RFX2: variants seen among roughly 807,000 people sequenced by gnomAD.
RFX2 encodes DNA-binding protein RFX2.
In RFX2, 20 loss-of-function variants were observed where a neutral mutation model predicts 87.8. The observed-to-expected ratio is 0.23, with a 90% CI of 0.16 to 0.33. The LOEUF (loss-of-function observed/expected upper bound fraction) is 0.33, where lower values mean the gene tolerates loss of function less well. RFX2 is among the 10% of genes least tolerant of loss of function. RFX2 has a pLI of 1.00. For synonymous variants in RFX2, 397 were observed against 431.3 expected (o/e 0.92, Z 0.98); for missense variants, 767 against 1,012.3 (o/e 0.76, Z 3.29).
chr19:6,048,520 C>G (rs2087226766), intron 1 of RFX2, among the ~76,000 whole-genome samples: 1 of 152,202 alleles, frequency 6.6e-6, no homozygotes, highest in Non-Finnish European at 1.5e-5. Flanking sequence ...ACACCAGTCC[C>G]CCGTCCTGGC....
chr19:6,027,309 C>T lies in RFX2; in HGVS notation c.523-1072G>A, dbSNP rs1217738496. On this transcript the variant is annotated intron_variant, in intron 5 of 17. Transcript: ENST00000303657. This position sits in a 1 kb window ranked among gnomAD's most constrained non-coding sequence, Gnocchi z 5.0. The stretch of plus-strand genomic sequence containing the variant: ...CTTCTCTCATTAGCTACCCTTGCTT[C>T]AAGCCAAGGAGGACGTCAGGGTCAC... 2 of 152,200 alleles carry T rather than the reference C, an allele frequency of 1.3e-5. No homozygotes were observed. Among genetic ancestry groups the T allele is most frequent in the African/African-American group, 4.8e-5 (2 of 41,422 alleles). 9.4% of individuals were successfully genotyped at this position (152,200 alleles called of 1,614,324 possible).
intron 13 of RFX2, among the ~76,000 whole-genome samples, chr19:6,003,863 G>T (rs901854950): frequency 1.3e-5 from 2 of 150,850 alleles, no homozygotes; most frequent in Non-Finnish European, 2.9e-5. Context: ...GTCGGCCAAG[G>T]TTCTACATTT....
intron 1 of RFX2, among the ~76,000 whole-genome samples, chr19:6,088,817 T>C (rs550905): frequency 0.25 from 37,481 of 152,014 alleles, 8,736 homozygotes; most frequent in African/African-American, 0.62. Context: ...TGTGGAATAG[T>C]AAATATTTTA....
intron 3 of RFX2, among the ~76,000 whole-genome samples, chr19:6,043,659 C>A (rs2087144425): frequency 6.6e-6 from 1 of 152,240 alleles, no homozygotes; most frequent in Non-Finnish European, 1.5e-5. Flanking sequence ...ACTGCCTGGA[C>A]CACAAACCCC....
In RFX2 at chr19:6,064,247, G is replaced by A. The variant is rs75469036; in HGVS notation, c.-8-16743C>T. Among the ~76,000 whole-genome samples the A allele has an allele frequency of 4.5e-3, 693 of 152,316 alleles. 8 individuals are homozygous for A. In the East Asian group the frequency reaches 0.071, roughly 16 times the overall value. ...TGGCCTCCAGCTCCCGTCTTCAGCTGAGCACAGGGGCCTGTCCCAGGATTC... is the reference window on the plus strand; with the variant it reads ...TGGCCTCCAGCTCCCGTCTTCAGCTAAGCACAGGGGCCTGTCCCAGGATTC... On this transcript the variant is annotated intron_variant, in intron 1 of 17. Transcript: ENST00000303657. The surrounding 1 kb of genome is among the most constrained non-coding windows in gnomAD (Gnocchi z 4.8).
chr19:5,998,475 G>A lies in RFX2; in HGVS notation c.1860-1262C>T, dbSNP rs1304720622. On this transcript the variant is annotated intron_variant, in intron 15 of 17. Coordinates refer to ENST00000303657, the MANE Select transcript of RFX2 (RefSeq NM_000635.4). This position sits in a 1 kb window ranked among gnomAD's most constrained non-coding sequence, Gnocchi z 4.2. Reference sequence around the variant, plus strand: ...TCATAAACTCTGTTACGTCTAATCGGTATCGAGCGATAAAAAGAAGACACA... The same window carrying A: ...TCATAAACTCTGTTACGTCTAATCGATATCGAGCGATAAAAAGAAGACACA... Among the ~76,000 whole-genome samples, 1 of 152,218 alleles carries A rather than the reference G, an allele frequency of 6.6e-6. No individual in the cohort carries two copies. Among genetic ancestry groups the A allele is most frequent in the African/African-American group, 2.4e-5 (1 of 41,464 alleles).
At position 6,045,694 on chromosome 19, in the gene RFX2, G is replaced by T. The variant is rs530429661; in HGVS notation, c.91-1412C>A. Among the ~76,000 whole-genome samples, 1 of 151,736 alleles carries T rather than the reference G, an allele frequency of 6.6e-6. No homozygotes were observed. The highest frequency in any genetic ancestry group is 1.5e-5 in the Non-Finnish European group (1 of 68,002). Reference sequence around the variant, plus strand: ...TTTGTTTTTTTGTGTTTTTTGGGACGGATTTTTGCTCTTGTCGCCCAGGCT... The same window carrying T: ...TTTGTTTTTTTGTGTTTTTTGGGACTGATTTTTGCTCTTGTCGCCCAGGCT... On this transcript the variant is annotated intron_variant, in intron 2 of 17. Transcript: ENST00000303657. The surrounding 1 kb of genome is among the most constrained non-coding windows in gnomAD (Gnocchi z 5.2).
chr19:6,010,104 G>T lies in RFX2; in HGVS notation c.1015+32C>A. On this transcript the variant is annotated intron_variant, in intron 9 of 17. Coordinates refer to ENST00000303657, the MANE Select transcript of RFX2 (RefSeq NM_000635.4). This position sits in a 1 kb window ranked among gnomAD's most constrained non-coding sequence, Gnocchi z 5.0. Reference sequence around the variant, plus strand: ...CCAGGAGTGTGGCGAGCAGATGGGAGCCCCGCCCCCGGGCCTGACCGGGCC... The same window carrying T: ...CCAGGAGTGTGGCGAGCAGATGGGATCCCCGCCCCCGGGCCTGACCGGGCC... The T allele has an allele frequency of 7.1e-7, 1 of 1,401,836 alleles. No individual in the cohort carries two copies. Among genetic ancestry groups the T allele is most frequent in the Non-Finnish European group, 9.8e-7 (1 of 1,017,246 alleles). The allele number at this position is 1,401,836 out of a possible 1,614,324, so 86.8% of individuals were successfully genotyped here. A position where few individuals can be genotyped will look rare whatever the true frequency, so the allele number is the denominator to read the frequency against.
intron 1 of RFX2, among the ~76,000 whole-genome samples, chr19:6,069,423 T>G (rs918326403): frequency 6.6e-6 from 1 of 152,074 alleles, no homozygotes; most frequent in African/African-American, 2.4e-5. Context: ...CATCAGTGTA[T>G]AGAGAACATG....
rs1599860682 is a variant in RFX2 at position 6,022,599 on chromosome 19, C to G, written c.597+3564G>C. On this transcript the variant is annotated intron_variant, in intron 6 of 17. Transcript: ENST00000303657. This position sits in a 1 kb window ranked among gnomAD's most constrained non-coding sequence, Gnocchi z 6.2. ...AAGTCGGTGGCCTGCCACACCCGGT[C>G]GGGTGAAGACATGTTTCATCCCCAG... Among the ~76,000 whole-genome samples, 1 of 152,316 alleles carries G rather than the reference C, an allele frequency of 6.6e-6. No homozygotes were observed. Among genetic ancestry groups the G allele is most frequent in the East Asian group, 1.9e-4 (1 of 5,180 alleles).
Position 6,011,058 on chromosome 19 carries a change from G to A in RFX2, c.900-807C>T, listed in dbSNP as rs1423901354. Among the ~76,000 whole-genome samples the A allele has an allele frequency of 3.3e-5, 5 of 152,080 alleles. No individual in the cohort carries two copies. Among genetic ancestry groups the A allele is most frequent in the Non-Finnish European group, 5.9e-5 (4 of 68,028 alleles). On this transcript the variant is annotated intron_variant, in intron 8 of 17. Transcript: ENST00000303657. This position sits in a 1 kb window ranked among gnomAD's most constrained non-coding sequence, Gnocchi z 4.8. ...TTGAACCTGGGAGGCAGAGGTTGCAGTGAGCCGAGTTCACGCCATTGCACT... is the reference window on the plus strand; with the variant it reads ...TTGAACCTGGGAGGCAGAGGTTGCAATGAGCCGAGTTCACGCCATTGCACT...
chr19:6,000,145 T>C (rs1277106635), intron 15 of RFX2, among the ~76,000 whole-genome samples: 2 of 152,084 alleles, frequency 1.3e-5, no homozygotes, highest in African/African-American at 4.8e-5. Flanking sequence ...CCACCACGCC[T>C]GACTAATTTT....
intron 2 of RFX2, among the ~76,000 whole-genome samples, chr19:6,046,410 G>T (rs1161225789): frequency 2.0e-5 from 3 of 151,574 alleles, no homozygotes; most frequent in Non-Finnish European, 4.4e-5. Context: ...GTGAAACCTC[G>T]TCTCTACTAA....
At position 6,056,984 on chromosome 19, in the gene RFX2, T is replaced by C. The variant is rs2144798479; in HGVS notation, c.-8-9480A>G. Among the ~76,000 whole-genome samples the C allele has an allele frequency of 6.6e-6, 1 of 152,166 alleles. No individual in the cohort carries two copies. The highest frequency in any genetic ancestry group is 2.1e-4 in the South Asian group (1 of 4,820). ...CCTCAGAAATATGCCCGGAGTGCTGTTTATAAGCTGAGCACGTTTCATTTA... is the reference window on the plus strand; with the variant it reads ...CCTCAGAAATATGCCCGGAGTGCTGCTTATAAGCTGAGCACGTTTCATTTA... On this transcript the variant is annotated intron_variant, in intron 1 of 17. Coordinates refer to ENST00000303657, the MANE Select transcript of RFX2 (RefSeq NM_000635.4). This position sits in a 1 kb window ranked among gnomAD's most constrained non-coding sequence, Gnocchi z 4.6.
intron 1 of RFX2, among the ~76,000 whole-genome samples, chr19:6,084,639 C>CTTTTTTTTTTT (rs1189568545): frequency 4.1e-5 from 5 of 122,942 alleles, no homozygotes; most frequent in African/African-American, 1.9e-4. Context: ...TTCTTTCTTT[C>CTTTTTTTTTTT]TTTCTTTTTT....
chr19:6,092,625 G>C (rs1291092554), intron 1 of RFX2, among the ~76,000 whole-genome samples: 1 of 152,112 alleles, frequency 6.6e-6, no homozygotes, highest in Non-Finnish European at 1.5e-5. Flanking sequence ...ACGCGAGCAT[G>C]GGCGCAGCTC....
chr19:6,007,661 T>C lies in RFX2; in HGVS notation c.1247+29A>G. 7.1e-7 allele frequency: 1 copy of C among 1,399,430 alleles called. No homozygotes were observed. Among genetic ancestry groups the C allele is most frequent in the South Asian group, 1.2e-5 (1 of 81,038 alleles). 86.7% of individuals were successfully genotyped at this position (1,399,430 alleles called of 1,614,324 possible). ...AGCAGGGGGTTAAGTCTGGGGTGGC[T>C]GTGAACCCAGCCAGGGTGTGGCAGT... On this transcript the variant is annotated intron_variant, in intron 11 of 17. Transcript: ENST00000303657. This position sits in a 1 kb window ranked among gnomAD's most constrained non-coding sequence, Gnocchi z 8.2.
At position 6,047,288 on chromosome 19, in the gene RFX2, T is replaced by C; in HGVS notation, c.90+119A>G. ...ATTTCAACAGCAGCAGCACTGGGAC[T>C]GAGAAGTCCATTCAGAAAAATACAG... On this transcript the variant is annotated intron_variant, in intron 2 of 17. Coordinates refer to ENST00000303657, the MANE Select transcript of RFX2 (RefSeq NM_000635.4). This position sits in a 1 kb window ranked among gnomAD's most constrained non-coding sequence, Gnocchi z 4.2. 2 of 773,002 alleles carry C rather than the reference T, an allele frequency of 2.6e-6. No homozygotes were observed. Among genetic ancestry groups the C allele is most frequent in the Non-Finnish European group, 4.1e-6 (2 of 492,882 alleles). The allele number at this position is 773,002 out of a possible 1,614,324, so 47.9% of individuals were successfully genotyped here.
At chr19:6,079,245 C>G (rs1476611753) in intron 1 of RFX2, among the ~76,000 whole-genome samples, 4 of 152,172 alleles carry the variant, frequency 2.6e-5, no homozygotes, top group Non-Finnish European at 4.4e-5. Context: ...TGCTGTCGCT[C>G]TTACAACCAG....
Sources: allele counts gnomAD v4.1 joint callset (sites outside exome capture counted in the v4.1 genomes callset), GRCh38; gene constraint gnomAD v4.1.1; non-coding constraint Gnocchi (gnomAD v3.1); transcripts MANE v1.5; gene names NCBI Gene and HGNC (gene_info 2026-07-23, HGNC 2026-07-21).